Variants in DISC1 observed in about 807,000 individuals in gnomAD.
DISC1 encodes DISC1 scaffold protein.
DISC1 carries 57 observed loss-of-function variants against 84.5 expected under a neutral mutation model. That is an observed-to-expected ratio of 0.67 (90% confidence interval 0.55 to 0.84). The LOEUF (loss-of-function observed/expected upper bound fraction) is 0.84, where lower values mean the gene tolerates loss of function less well. Ranked by LOEUF, DISC1 falls within the 40% of genes least tolerant of loss-of-function variation. The pLI is 0.00. For missense variants in DISC1, 1,000 were observed against 1,057.8 expected (o/e 0.95, Z 0.76); for synonymous variants, 411 against 415.2 (o/e 0.99, Z 0.12).
At chr1:231,971,911 T>G (rs1159957836) in intron 10 of DISC1, among the ~76,000 whole-genome samples, 1 of 152,218 alleles carries the variant, frequency 6.6e-6, no homozygotes, top group African/African-American at 2.4e-5. Flanking sequence ...TTTAGCGGAC[T>G]AAGAAAAAGA....
At chr1:231,642,193 A>G (rs2059770125) in intron 1 of DISC1, among the ~76,000 whole-genome samples, 2 of 151,952 alleles carry the variant, frequency 1.3e-5, no homozygotes, top group Admixed American at 1.3e-4. Flanking sequence ...CCGGCCGGCC[A>G]CTCCGAGTGC....
intron 10 of DISC1, among the ~76,000 whole-genome samples, chr1:231,994,502 C>G (rs112306596): frequency 8.8e-4 from 134 of 152,298 alleles, no homozygotes; most frequent in African/African-American, 2.9e-3. Context: ...GATACCAGCT[C>G]TTTATTATAG....
chr1:231,788,962 T>C (rs2078105516), intron 6 of DISC1, among the ~76,000 whole-genome samples: 1 of 150,408 alleles, frequency 6.6e-6, no homozygotes, highest in South Asian at 2.1e-4. Flanking sequence ...ACTGATTAGG[T>C]ACACACTGTG....
At chr1:231,910,550 T>C (rs908974165) in intron 9 of DISC1, among the ~76,000 whole-genome samples, 3 of 152,244 alleles carry the variant, frequency 2.0e-5, no homozygotes, top group Non-Finnish European at 4.4e-5. Context: ...CAGTTTGTTA[T>C]GATTTCTGTT....
intron 9 of DISC1, among the ~76,000 whole-genome samples, chr1:231,955,175 C>T (rs967718668): frequency 4.6e-5 from 7 of 152,144 alleles, no homozygotes; most frequent in African/African-American, 1.7e-4. Flanking sequence ...ATATAAATGG[C>T]GCGTTGCGTA....
At position 231,646,632 on chromosome 1, in the gene DISC1, C is replaced by T. The variant is rs568203805; in HGVS notation, c.67+19698C>T. 9.5e-4 allele frequency among the ~76,000 whole-genome samples: 145 copies of T among 152,300 alleles called. 1 individual carries two copies. Among genetic ancestry groups the T allele is most frequent in the Admixed American group, 3.3e-3 (51 of 15,304 alleles). On this transcript the variant is annotated intron_variant, in intron 1 of 12. Coordinates refer to ENST00000439617, the MANE Select transcript of DISC1 (RefSeq NM_018662.3). ...TAGTTCTAGATCCTTGATGAATCGC[C>T]GCACTGTCTTCCACAATGGTTGAAC...
At chr1:231,908,818 C>A (rs984237452) in intron 9 of DISC1, among the ~76,000 whole-genome samples, 3 of 152,138 alleles carry the variant, frequency 2.0e-5, no homozygotes, top group Non-Finnish European at 4.4e-5. Context: ...AATGTTCTTC[C>A]ATTTGTTTGT....
At chr1:231,770,378 A>AT (rs2076461117) in intron 5 of DISC1, among the ~76,000 whole-genome samples, 1 of 152,070 alleles carries the variant, frequency 6.6e-6, no homozygotes, top group African/African-American at 2.4e-5. Flanking sequence ...TTAAGAAGCC[A>AT]TTTTTTACCT....
At chr1:231,900,633 T>G (rs961320990) in intron 9 of DISC1, among the ~76,000 whole-genome samples, 16 of 152,332 alleles carry the variant, frequency 1.1e-4, no homozygotes, top group African/African-American at 3.6e-4. Flanking sequence ...AATCAATGGC[T>G]TGTTTCAGAA....
chr1:231,881,664 G>A lies in DISC1; in HGVS notation c.1981+63147G>A, dbSNP rs555851605. 5.9e-5 allele frequency among the ~76,000 whole-genome samples: 9 copies of A among 152,156 alleles called. 1 individual carries two copies. Among genetic ancestry groups the A allele is most frequent in the African/African-American group, 2.2e-4 (9 of 41,478 alleles). ...CCCAGCCAGGGTCCCGCTTCAAGAC[G>A]AGCACTTCCTCTTCCTTCACCATGC... On this transcript the variant is annotated intron_variant, in intron 9 of 12. Coordinates refer to ENST00000439617, the MANE Select transcript of DISC1 (RefSeq NM_018662.3).
At chr1:232,032,340 C>T (rs1262820007) in intron 12 of DISC1, among the ~76,000 whole-genome samples, 1 of 152,196 alleles carries the variant, frequency 6.6e-6, no homozygotes, top group Non-Finnish European at 1.5e-5. Context: ...CAGAAGACTC[C>T]ATCTAAAGAA....
chr1:231,967,881 A>G (rs1203977128), intron 10 of DISC1, among the ~76,000 whole-genome samples: 1 of 152,212 alleles, frequency 6.6e-6, no homozygotes, highest in Admixed American at 6.5e-5. Context: ...AATATAACAA[A>G]ATGGCGTGAA....
intron 9 of DISC1, among the ~76,000 whole-genome samples, chr1:231,854,007 G>A (rs530032055): frequency 5.3e-5 from 8 of 152,312 alleles, no homozygotes; most frequent in African/African-American, 1.7e-4. Flanking sequence ...TCTCCTAGAC[G>A]AAGGGCCAAG....
chr1:231,706,356 G>A (rs1173714395), intron 3 of DISC1, among the ~76,000 whole-genome samples: 3 of 152,196 alleles, frequency 2.0e-5, no homozygotes, highest in Non-Finnish European at 2.9e-5. Context: ...GCTCTGACAT[G>A]GGTGGGGCAG....
chr1:231,648,601 TC>T (rs1490892782), intron 1 of DISC1, among the ~76,000 whole-genome samples: 1 of 152,228 alleles, frequency 6.6e-6, no homozygotes, highest in Non-Finnish European at 1.5e-5. Flanking sequence ...TCCCTCTTTT[TC>T]TATTGATTGG....
intron 11 of DISC1, among the ~76,000 whole-genome samples, chr1:232,015,227 T>C (rs1480386087): frequency 6.6e-6 from 1 of 152,142 alleles, no homozygotes; most frequent in Non-Finnish European, 1.5e-5. Context: ...ATCTGCTGGC[T>C]TCTCCTTCTT....
chr1:231,739,380 C>T (rs1360469019), intron 3 of DISC1, among the ~76,000 whole-genome samples: 2 of 152,194 alleles, frequency 1.3e-5, no homozygotes, highest in African/African-American at 4.8e-5. Flanking sequence ...CCATTTATCC[C>T]AGCTGTCTTC....
At chr1:231,847,815 G>C (rs1408548525) in intron 9 of DISC1, among the ~76,000 whole-genome samples, 2 of 152,184 alleles carry the variant, frequency 1.3e-5, no homozygotes, top group South Asian at 2.1e-4. Flanking sequence ...CCCTGTCTCA[G>C]TGCTCAGTGT....
chr1:231,671,296 AT>A (rs550472799), intron 1 of DISC1, among the ~76,000 whole-genome samples: 22 of 147,192 alleles, frequency 1.5e-4, no homozygotes, highest in Middle Eastern at 3.5e-3. Flanking sequence ...CCTTTTCATT[AT>A]TTTTTTTTTA....
Sources: allele counts gnomAD v4.1 joint callset (sites outside exome capture counted in the v4.1 genomes callset), GRCh38; gene constraint gnomAD v4.1.1; transcripts MANE v1.5; gene names NCBI Gene and HGNC (gene_info 2026-07-23, HGNC 2026-07-21).